Variants in LHFPL3 observed in about 807,000 individuals in gnomAD.
The protein encoded by LHFPL3 is LHFPL tetraspan subfamily member 3.
A neutral mutation model predicts 19.3 loss-of-function variants in LHFPL3; 5 were observed. The observed-to-expected ratio is 0.26, with a 90% CI of 0.14 to 0.54. LHFPL3 has a LOEUF of 0.54. Ranked by LOEUF, LHFPL3 falls within the 20% of genes least tolerant of loss-of-function variation. The probability of loss-of-function intolerance (pLI) is 0.94; values close to 1 mark genes in which losing one functional copy is unlikely to be tolerated. For synonymous variants in LHFPL3, 133 were observed against 126.2 expected (o/e 1.05, Z -0.36); for missense variants, 249 against 307.4 (o/e 0.81, Z 1.42).
intron 1 of LHFPL3, among the ~76,000 whole-genome samples, chr7:104,731,920 G>C (rs1793712646): frequency 6.6e-6 from 1 of 152,142 alleles, no homozygotes; most frequent in African/African-American, 2.4e-5. Context: ...TTTATTGAGA[G>C]TTTTTAGCAT....
At chr7:104,727,602 G>A in intron 1 of LHFPL3, among the ~76,000 whole-genome samples, 1 of 152,144 alleles carries the variant, frequency 6.6e-6, no homozygotes, top group Non-Finnish European at 1.5e-5. Flanking sequence ...CTATGAAAGT[G>A]CAGAGACAGG....
chr7:104,828,282 A>G (rs768473738), intron 2 of LHFPL3, among the ~76,000 whole-genome samples: 26 of 151,950 alleles, frequency 1.7e-4, no homozygotes, highest in Non-Finnish European at 5.9e-5. Flanking sequence ...ACATAGAGGC[A>G]GGGCTCCTGA....
At chr7:104,351,327 A>C (rs961261648) in intron 1 of LHFPL3, among the ~76,000 whole-genome samples, 2 of 152,148 alleles carry the variant, frequency 1.3e-5, no homozygotes, top group African/African-American at 4.8e-5. Flanking sequence ...TCTGCTTTTG[A>C]GTCAGTAGAG....
intron 1 of LHFPL3, among the ~76,000 whole-genome samples, chr7:104,479,034 A>G (rs1386702638): frequency 6.6e-6 from 1 of 152,086 alleles, no homozygotes; most frequent in East Asian, 1.9e-4. Flanking sequence ...AGAATACCCA[A>G]CTTGACTGGA....
chr7:104,482,928 T>C (rs1474073627), intron 1 of LHFPL3, among the ~76,000 whole-genome samples: 1 of 152,226 alleles, frequency 6.6e-6, no homozygotes, highest in Admixed American at 6.5e-5. Flanking sequence ...TGTAGGACAA[T>C]GTTTATTATC....
Position 104,647,323 on chromosome 7 carries a change from T to G in LHFPL3, c.446-89352T>G, listed in dbSNP as rs566156226. 9.2e-5 allele frequency among the ~76,000 whole-genome samples: 14 copies of G among 152,284 alleles called. No individual in the cohort carries two copies. In the Middle Eastern group the frequency reaches 0.014, roughly 148 times the overall value. ...TAATACAGGCCTACACATCTCCAAC[T>G]CAGGGCAGCTCTGCACTGGGTACCC... On this transcript the variant is annotated intron_variant, in intron 1 of 2. Coordinates refer to ENST00000424859, the MANE Select transcript of LHFPL3 (RefSeq NM_199000.3).
At chr7:104,803,008 C>G (rs1790285719) in intron 2 of LHFPL3, 1 of 152,288 alleles carries the variant, frequency 6.6e-6, no homozygotes, top group Non-Finnish European at 1.5e-5. Flanking sequence ...GTCCCAGAAG[C>G]CTCTTCCTAA....
At chr7:104,690,006 CT>C (rs1430202731) in intron 1 of LHFPL3, among the ~76,000 whole-genome samples, 2 of 136,876 alleles carry the variant, frequency 1.5e-5, no homozygotes, top group East Asian at 5.4e-4. Context: ...CTGCCTCTAC[CT>C]AAAAAAAAAT....
At chr7:104,749,568 C>G in intron 2 of LHFPL3, among the ~76,000 whole-genome samples, 1 of 152,274 alleles carries the variant, frequency 6.6e-6, no homozygotes, top group East Asian at 1.9e-4. Flanking sequence ...AAAGGCCAAT[C>G]TTTTGGGATC....
intron 1 of LHFPL3, among the ~76,000 whole-genome samples, chr7:104,708,635 C>T (rs970689601): frequency 2.0e-5 from 3 of 152,046 alleles, no homozygotes; most frequent in South Asian, 2.1e-4. Context: ...AATTAAATAG[C>T]CATGTCCTCC....
At chr7:104,335,302 C>T (rs1789773314) in intron 1 of LHFPL3, among the ~76,000 whole-genome samples, 1 of 152,230 alleles carries the variant, frequency 6.6e-6, no homozygotes, top group Admixed American at 6.5e-5. Flanking sequence ...TTCAAATCTT[C>T]TCCCATGTGT....
At chr7:104,559,278 C>T (rs1171014239) in intron 1 of LHFPL3, among the ~76,000 whole-genome samples, 1 of 144,884 alleles carries the variant, frequency 6.9e-6, no homozygotes, top group Non-Finnish European at 1.5e-5. Flanking sequence ...GGCAGTATGG[C>T]CATTTTCACA....
At chr7:104,801,720 G>A (rs777082055) in intron 2 of LHFPL3, among the ~76,000 whole-genome samples, 3 of 152,014 alleles carry the variant, frequency 2.0e-5, no homozygotes, top group Non-Finnish European at 2.9e-5. Flanking sequence ...ACAGGCACGT[G>A]CCACCACACC....
chr7:104,608,191 GCA>G (rs938757844), intron 1 of LHFPL3, among the ~76,000 whole-genome samples: 7 of 151,996 alleles, frequency 4.6e-5, no homozygotes, highest in African/African-American at 7.3e-5. Context: ...AAAGACACAT[GCA>G]CACGTATGTT....
In LHFPL3 at chr7:104,739,580, CT is replaced by C. The variant is rs572609302; in HGVS notation, c.682+2675del. Among the ~76,000 whole-genome samples the C allele has an allele frequency of 1.6e-3, 251 of 152,170 alleles. 1 individual carries two copies. The highest frequency in any genetic ancestry group is 6.8e-3 in the Middle Eastern group (2 of 292). The stretch of plus-strand genomic sequence containing the variant: ...TGATATAACTTTTCACCTATTAAGA[CT>C]TTTTTCACTATTTTTTTTTGCTGCT... On this transcript the variant is annotated intron_variant, in intron 2 of 2. Coordinates refer to ENST00000424859, the MANE Select transcript of LHFPL3 (RefSeq NM_199000.3).
chr7:104,420,377 G>C (rs1791703546), intron 1 of LHFPL3, among the ~76,000 whole-genome samples: 1 of 152,062 alleles, frequency 6.6e-6, no homozygotes, highest in African/African-American at 2.4e-5. Flanking sequence ...TTAACAGAGA[G>C]GCAGAACAGG....
At chr7:104,586,731 C>A (rs1301966453) in intron 1 of LHFPL3, among the ~76,000 whole-genome samples, 1 of 152,144 alleles carries the variant, frequency 6.6e-6, no homozygotes, top group Non-Finnish European at 1.5e-5. Flanking sequence ...ACAGATGGTA[C>A]TGTGACTTTT....
In LHFPL3 at chr7:104,835,575, TTTG is replaced by T. The variant is rs1022780537; in HGVS notation, c.683-70609_683-70607del. Among the ~76,000 whole-genome samples, 28 of 92,744 alleles carry T rather than the reference TTTG, an allele frequency of 3.0e-4. 2 individuals are homozygous for T. Among genetic ancestry groups the T allele is most frequent in the African/African-American group, 5.6e-4 (17 of 30,584 alleles). 60.8% of individuals were successfully genotyped at this position (92,744 alleles called of 152,430 possible). A position where few individuals can be genotyped will look rare whatever the true frequency, so the allele number is the denominator to read the frequency against. On this transcript the variant is annotated intron_variant, in intron 2 of 2. Coordinates refer to ENST00000424859, the MANE Select transcript of LHFPL3 (RefSeq NM_199000.3). ...AGACAAAATTCCTGTTCTCCAGAACTTTGTTTTCTTTTTTTTTTTTTGAGATGA... is the reference window on the plus strand; with the variant it reads ...AGACAAAATTCCTGTTCTCCAGAACTTTTTCTTTTTTTTTTTTTGAGATGA...
chr7:104,346,699 C>A (rs527608630), intron 1 of LHFPL3, among the ~76,000 whole-genome samples: 2 of 151,846 alleles, frequency 1.3e-5, no homozygotes, highest in East Asian at 3.9e-4. Flanking sequence ...AATAAAAATA[C>A]CAAATGAAAT....
Sources: gnomAD v4.1 joint callset for allele counts (sites outside exome capture counted in the v4.1 genomes callset) on GRCh38, gnomAD v4.1.1 for gene constraint, MANE v1.5 for transcripts, NCBI Gene and HGNC (gene_info 2026-07-23, HGNC 2026-07-21) for gene names.